Variants in SESN1 observed in about 807,000 individuals in gnomAD.
The protein encoded by SESN1 is sestrin-1.
Under a neutral mutation model 59.3 loss-of-function variants are expected in SESN1, and 30 were observed. The observed-to-expected ratio is 0.51, with a 90% CI of 0.38 to 0.69. The LOEUF is 0.69. Ranked by LOEUF, SESN1 falls within the 30% of genes least tolerant of loss-of-function variation. The pLI is 0.00. For synonymous variants in SESN1, 197 were observed against 219.9 expected (o/e 0.90, Z 0.92); for missense variants, 566 against 673.0 (o/e 0.84, Z 1.76).
At chr6:109,000,959 G>A (rs1233307540) in intron 3 of SESN1, among the ~76,000 whole-genome samples, 2 of 152,036 alleles carry the variant, frequency 1.3e-5, no homozygotes, top group East Asian at 1.9e-4. Context: ...TTCAATTAAG[G>A]TGCCAATCAT....
chr6:109,009,485 G>A (rs529327587), intron 1 of SESN1: 3 of 1,237,856 alleles, frequency 2.4e-6, no homozygotes, highest in African/African-American at 1.6e-5. Flanking sequence ...GGCTGCGGAC[G>A]CGCGGAGGCG....
At chr6:109,022,449 A>G (rs1156787909) in intron 1 of SESN1, among the ~76,000 whole-genome samples, 1 of 101,486 alleles carries the variant, frequency 9.9e-6, no homozygotes, top group Non-Finnish European at 1.8e-5. Context: ...TTGAGATGGA[A>G]TCTCATTCTG....
intron 1 of SESN1, among the ~76,000 whole-genome samples, chr6:109,079,370 T>C (rs1258532744): frequency 6.6e-6 from 1 of 152,194 alleles, no homozygotes; most frequent in Non-Finnish European, 1.5e-5. Context: ...AGTTAGACTT[T>C]CCATCTTCCT....
intron 1 of SESN1, among the ~76,000 whole-genome samples, chr6:109,004,869 T>C (rs1185073720): frequency 6.6e-6 from 1 of 152,156 alleles, no homozygotes; most frequent in African/African-American, 2.4e-5. Context: ...TTGCTTAAGA[T>C]CAAAAAGTTT....
intron 1 of SESN1, among the ~76,000 whole-genome samples, chr6:109,076,338 A>G (rs889014087): frequency 2.0e-5 from 3 of 152,214 alleles, no homozygotes; most frequent in African/African-American, 7.2e-5. Context: ...CTTTCTTTCA[A>G]TAAGTTTTCA....
chr6:109,080,970 T>C (rs544465715), intron 1 of SESN1, among the ~76,000 whole-genome samples: 9 of 152,244 alleles, frequency 5.9e-5, no homozygotes, highest in African/African-American at 2.2e-4. Context: ...ATAAAACAGA[T>C]ATATTTTGTG....
In SESN1 at chr6:108,987,421, G is replaced by A. The variant is rs1204391184; in HGVS notation, c.*123C>T. 8.8e-6 allele frequency: 5 copies of A among 568,330 alleles called. No homozygotes were observed. The highest frequency in any genetic ancestry group is 2.7e-4 in the Middle Eastern group (1 of 3,742). The allele number at this position is 568,330 out of a possible 1,614,324, so 35.2% of individuals were successfully genotyped here. A position where few individuals can be genotyped will look rare whatever the true frequency, so the allele number is the denominator to read the frequency against. On this transcript the variant is annotated 3_prime_UTR_variant, in exon 10 of 10. Coordinates refer to ENST00000436639, the MANE Select transcript of SESN1 (RefSeq NM_014454.3). Reference sequence around the variant, plus strand: ...CACAGAAAAATAGCAGAAACTAAAGGAATCATGGCACAATGGATTTCTGAA... The same window carrying A: ...CACAGAAAAATAGCAGAAACTAAAGAAATCATGGCACAATGGATTTCTGAA...
chr6:109,083,492 T>C (rs1317876375), intron 1 of SESN1, among the ~76,000 whole-genome samples: 1 of 152,144 alleles, frequency 6.6e-6, no homozygotes, highest in Admixed American at 6.5e-5. Context: ...TGAGAAGAAA[T>C]GATTCATTAG....
intron 1 of SESN1, among the ~76,000 whole-genome samples, chr6:109,056,484 G>A (rs1323584892): frequency 6.6e-6 from 1 of 152,126 alleles, no homozygotes; most frequent in Non-Finnish European, 1.5e-5. Context: ...CTACGAACAG[G>A]CAATACAGGC....
chr6:109,070,836 G>A (rs981509319), intron 1 of SESN1, among the ~76,000 whole-genome samples: 1 of 152,200 alleles, frequency 6.6e-6, no homozygotes, highest in African/African-American at 2.4e-5. Flanking sequence ...TAGAACTGGG[G>A]TGAGGCTTGA....
intron 1 of SESN1, among the ~76,000 whole-genome samples, chr6:109,064,148 C>A (rs1288773429): frequency 6.6e-6 from 1 of 152,122 alleles, no homozygotes; most frequent in Non-Finnish European, 1.5e-5. Context: ...ACTAAACTGG[C>A]TTGATTGATA....
At position 108,985,390 on chromosome 6, in the gene SESN1, C is replaced by A. The variant is rs1256668470; in HGVS notation, c.*2154G>T. ...TCTGGTTGGGGAAGGTTTTGATATCCCCAGTGTAATGTACCTTCCCTAATT... is the reference window on the plus strand; with the variant it reads ...TCTGGTTGGGGAAGGTTTTGATATCACCAGTGTAATGTACCTTCCCTAATT... On this transcript the variant is annotated 3_prime_UTR_variant, in exon 10 of 10. Transcript: ENST00000436639. Among the ~76,000 whole-genome samples the A allele has an allele frequency of 6.6e-6, 1 of 151,988 alleles. No homozygotes were observed.
At chr6:109,058,409 T>C (rs934364004) in intron 1 of SESN1, among the ~76,000 whole-genome samples, 2 of 152,224 alleles carry the variant, frequency 1.3e-5, no homozygotes, top group Non-Finnish European at 2.9e-5. Flanking sequence ...GGTTATACCA[T>C]ATAGCCTACG....
intron 8 of SESN1, among the ~76,000 whole-genome samples, 179 bp downstream of exon 8, chr6:108,990,466 G>A (rs1054130164): frequency 6.6e-6 from 1 of 152,240 alleles, no homozygotes; most frequent in African/African-American, 2.4e-5. Flanking sequence ...CTAGGAAAGA[G>A]AAGAAAAAAC....
intron 1 of SESN1, among the ~76,000 whole-genome samples, chr6:109,012,938 A>AC (rs1187724482): frequency 2.0e-5 from 3 of 151,584 alleles, no homozygotes; most frequent in Admixed American, 6.6e-5. Flanking sequence ...ACATGGTGAA[A>AC]CCCCGTCTCT....
At chr6:109,042,787 G>T (rs894836576) in intron 1 of SESN1, among the ~76,000 whole-genome samples, 2 of 151,962 alleles carry the variant, frequency 1.3e-5, no homozygotes, top group East Asian at 1.9e-4. Context: ...AACATTTAAA[G>T]AATTAACTCC....
chr6:109,055,425 G>A (rs1780613011), intron 1 of SESN1, among the ~76,000 whole-genome samples: 1 of 152,046 alleles, frequency 6.6e-6, no homozygotes, highest in Non-Finnish European at 1.5e-5. Context: ...CCCTTTGAGG[G>A]GCTGAGGTGG....
Position 109,093,921 on chromosome 6 carries a change from G to A in SESN1, c.153C>T (p.Asp51=), listed in dbSNP as rs774773714. 6.2e-6 allele frequency: 10 copies of A among 1,614,044 alleles called. No homozygotes were observed. Among genetic ancestry groups the A allele is most frequent in the East Asian group, 2.2e-5 (1 of 44,896 alleles). Residue 51 remains aspartate, a synonymous_variant, in exon 1 of 10, where the codon GAC becomes GAT. Transcript: ENST00000436639. Reference sequence around the variant, plus strand: ...CCGAAGACTCGGTATTTGAAAGCCCGTCTGATGGACGATGAGGTGTTTCTT... The same window carrying A: ...CCGAAGACTCGGTATTTGAAAGCCCATCTGATGGACGATGAGGTGTTTCTT... ...SVKETPHRPS[D]GLSNTESSDG...
At chr6:109,071,655 T>C (rs1459467721) in intron 1 of SESN1, among the ~76,000 whole-genome samples, 1 of 152,168 alleles carries the variant, frequency 6.6e-6, no homozygotes, top group African/African-American at 2.4e-5. Context: ...ACCTGTAAAC[T>C]GCCAGGTGAG....
Sources: gnomAD v4.1 joint callset for allele counts (sites outside exome capture counted in the v4.1 genomes callset) on GRCh38, gnomAD v4.1.1 for gene constraint, MANE v1.5 for transcripts, NCBI Gene and HGNC (gene_info 2026-07-23, HGNC 2026-07-21) for gene names.